Variants in PTPRQ observed in about 807,000 individuals in gnomAD.
PTPRQ encodes the protein phosphatidylinositol phosphatase PTPRQ.
A neutral mutation model predicts 246.0 loss-of-function variants in PTPRQ; 199 were observed. The ratio of observed to expected loss-of-function variants is 0.81; its 90% CI spans 0.72 to 0.91. The LOEUF (loss-of-function observed/expected upper bound fraction) is 0.91. Among genes scored for constraint, PTPRQ ranks in the 40% least tolerant of loss-of-function variants. The probability of loss-of-function intolerance (pLI) is 0.00; values close to 1 mark genes in which losing one functional copy is unlikely to be tolerated. For synonymous variants in PTPRQ, 869 were observed against 853.2 expected, an observed-to-expected ratio of 1.02 and a Z score of -0.32; for missense variants, 2,624 against 2,528.4, an observed-to-expected ratio of 1.04 and a Z score of -0.81.
Position 80,468,718 on chromosome 12 carries a change from G to T in PTPRQ, c.919G>T (p.Gly307Ter). The change falls in exon 7 of 45, where the codon GGA becomes TGA. Residue 307 changes from glycine to a stop codon, truncating the protein, a stop_gained. Coordinates refer to ENST00000644991, the MANE Select transcript of PTPRQ (RefSeq NM_001145026.2). LOFTEE classifies it high-confidence loss of function. ...IVRTPESVPE[G>*]PPQNCVTGNI... is the part of the protein sequence containing the mutation. Reference sequence around the variant, plus strand: ...TTCTATAATTATTTTAGTGCCTGAAGGACCACCACAAAACTGCGTAACAGG... The same window carrying T: ...TTCTATAATTATTTTAGTGCCTGAATGACCACCACAAAACTGCGTAACAGG... 6.5e-7 allele frequency: 1 copy of T among 1,538,146 alleles called. No homozygotes were observed. Among genetic ancestry groups the T allele is most frequent in the South Asian group, 1.3e-5 (1 of 79,634 alleles).
intron 25 of PTPRQ, among the ~76,000 whole-genome samples, chr12:80,583,133 C>G (rs939026731): frequency 1.3e-5 from 2 of 152,154 alleles, no homozygotes; most frequent in Non-Finnish European, 2.9e-5. Flanking sequence ...TCCTTCAGGT[C>G]TCTAATTAAA....
chr12:80,652,788 T>A lies in PTPRQ; in HGVS notation c.6069T>A (p.Asp2023Glu). The change falls in exon 38 of 45, where the codon GAT (aspartate) becomes GAA (glutamate). Residue 2023 changes from aspartate to glutamate, a missense_variant. Coordinates refer to ENST00000644991, the MANE Select transcript of PTPRQ (RefSeq NM_001145026.2). ...FLQDLSSTDA[D>E]LPWNRAKNRF... ...AGGATCTTTCTTCAACTGATGCTGA[T>A]CTGCCTTGGAATAGAGCAAAAAACC... 6.6e-7 allele frequency: 1 copy of A among 1,514,746 alleles called. No individual in the cohort carries two copies. The highest frequency in any genetic ancestry group is 8.8e-7 in the Non-Finnish European group (1 of 1,132,422). 93.8% of individuals were successfully genotyped at this position (1,514,746 alleles called of 1,614,324 possible). A position where few individuals can be genotyped will look rare whatever the true frequency, so the allele number is the denominator to read the frequency against.
In PTPRQ at chr12:80,679,097, G is replaced by A. The variant is rs921754114; in HGVS notation, c.*74G>A. The A allele has an allele frequency of 1.7e-5, 25 of 1,501,906 alleles. No individual in the cohort carries two copies. The highest frequency in any genetic ancestry group is 2.1e-5 in the Non-Finnish European group (24 of 1,122,782). 93.0% of individuals were successfully genotyped at this position (1,501,906 alleles called of 1,614,324 possible). Reference sequence around the variant, plus strand: ...GCCAAAGTTACCCCCTCATTCTTCCGAATTGAAATGTGCAACCTTAAAGAA... The same window carrying A: ...GCCAAAGTTACCCCCTCATTCTTCCAAATTGAAATGTGCAACCTTAAAGAA... On this transcript the variant is annotated 3_prime_UTR_variant, in exon 45 of 45. Coordinates refer to ENST00000644991, the MANE Select transcript of PTPRQ (RefSeq NM_001145026.2).
At chr12:80,598,836 T>C (rs867300366) in intron 26 of PTPRQ, among the ~76,000 whole-genome samples, 1 of 152,034 alleles carries the variant, frequency 6.6e-6, no homozygotes, top group African/African-American at 2.4e-5. Flanking sequence ...TATATTCATT[T>C]ATGTTTATTC....
intron 42 of PTPRQ, among the ~76,000 whole-genome samples, chr12:80,671,366 G>T (rs1445267421): frequency 1.3e-5 from 2 of 152,022 alleles, no homozygotes; most frequent in African/African-American, 2.4e-5. Context: ...TACAGTCAAT[G>T]ATTGATTTTA....
intron 25 of PTPRQ, among the ~76,000 whole-genome samples, chr12:80,559,076 G>A (rs1010879765): frequency 5.3e-5 from 8 of 152,136 alleles, no homozygotes; most frequent in South Asian, 2.1e-4. Flanking sequence ...ACGGAGTCTC[G>A]CTCTGTCGCC....
At chr12:80,633,720 C>T (rs185077968) in intron 34 of PTPRQ, among the ~76,000 whole-genome samples, 3 of 152,250 alleles carry the variant, frequency 2.0e-5, no homozygotes, top group African/African-American at 2.4e-5. Flanking sequence ...CAGATTTAGC[C>T]AGAAGACAGT....
intron 25 of PTPRQ, among the ~76,000 whole-genome samples, chr12:80,555,727 A>G (rs74984339): frequency 0.068 from 10,297 of 152,250 alleles, 418 homozygotes; most frequent in East Asian, 0.15. Context: ...CAGGTGTTTT[A>G]TACAGTATCT....
chr12:80,473,499 A>T (rs1461664976), intron 8 of PTPRQ, among the ~76,000 whole-genome samples: 1 of 152,196 alleles, frequency 6.6e-6, no homozygotes, highest in African/African-American at 2.4e-5. Flanking sequence ...AACTCAATGT[A>T]CCTATTGATT....
chr12:80,634,197 G>A (rs1200182151), intron 34 of PTPRQ, among the ~76,000 whole-genome samples: 1 of 152,034 alleles, frequency 6.6e-6, no homozygotes, highest in African/African-American at 2.4e-5. Context: ...GTCTTTGAGG[G>A]TAGGGAACAT....
chr12:80,602,576 A>C (rs10862172), intron 26 of PTPRQ, among the ~76,000 whole-genome samples: 3 of 151,730 alleles, frequency 2.0e-5, no homozygotes, highest in African/African-American at 7.3e-5. Flanking sequence ...AAAGCAGAAG[A>C]GCAAGCTATC....
intron 35 of PTPRQ, among the ~76,000 whole-genome samples, chr12:80,643,092 T>C (rs572302450): frequency 3.3e-5 from 5 of 152,162 alleles, no homozygotes; most frequent in African/African-American, 7.2e-5. Flanking sequence ...TGAGAAGATA[T>C]GTTGAGAAGG....
intron 25 of PTPRQ, among the ~76,000 whole-genome samples, chr12:80,575,839 C>CAAAAAAA (rs201432092): frequency 3.2e-4 from 15 of 46,274 alleles, no homozygotes; most frequent in Admixed American, 7.6e-4. Context: ...AACCCCATCT[C>CAAAAAAA]AAAAAAAAAA....
intron 9 of PTPRQ, among the ~76,000 whole-genome samples, chr12:80,491,525 C>T (rs866272335): frequency 1.2e-4 from 18 of 151,912 alleles, no homozygotes; most frequent in African/African-American, 3.6e-4. Context: ...AGTTCTTTAT[C>T]ACAACTTTTA....
In PTPRQ at chr12:80,539,918, T is replaced by G; in HGVS notation, c.3128T>G (p.Ile1043Ser). The change falls in exon 20 of 45, where the codon ATC becomes AGC. Residue 1043 changes from isoleucine (I) to serine (S), a missense_variant. Physicochemically the swap from Ile to Ser is moderately radical, Grantham distance 142 (BLOSUM62 -2). Coordinates refer to ENST00000644991, the MANE Select transcript of PTPRQ (RefSeq NM_001145026.2). ...SVGNGNKSSD[I>S]IEVYTDQDIP... ...GGAAATGGGAATAAAAGCAGTGACA[T>G]CATTGAAGTATACACAGATCAAGAC... The G allele has an allele frequency of 1.3e-5, 20 of 1,548,662 alleles. No homozygotes were observed. Among genetic ancestry groups the G allele is most frequent in the Non-Finnish European group, 1.7e-5 (20 of 1,145,446 alleles).
rs948270569 is a variant in PTPRQ at position 80,485,287 on chromosome 12, T to G, written c.1359+682T>G. Among the ~76,000 whole-genome samples the G allele has an allele frequency of 1.3e-5, 2 of 152,286 alleles. 1 individual carries two copies. The highest frequency in any genetic ancestry group is 2.9e-5 in the Non-Finnish European group (2 of 68,018). ...CACCTCACTTCATCAACTGTTCACC[T>G]GTGAGACTCTTTCAGCCTCCAGGCT... is the stretch of plus-strand genomic sequence containing the variant. On this transcript the variant is annotated intron_variant, in intron 9 of 44. Transcript: ENST00000644991.
rs530446362 is a variant in PTPRQ at position 80,468,696 on chromosome 12, T to A, written c.911-14T>A. ...AAATATATGTTATGTATTTATTTTC[T>A]ATAATTATTTTAGTGCCTGAAGGAC... On this transcript the variant is annotated splice_polypyrimidine_tract_variant and intron_variant, in intron 6 of 44. Coordinates refer to ENST00000644991, the MANE Select transcript of PTPRQ (RefSeq NM_001145026.2). 1.3e-6 allele frequency: 2 copies of A among 1,523,674 alleles called. No homozygotes were observed. Among genetic ancestry groups the A allele is most frequent in the South Asian group, 2.6e-5 (2 of 76,364 alleles). The allele number at this position is 1,523,674 out of a possible 1,614,324, so 94.4% of individuals were successfully genotyped here.
At chr12:80,558,168 C>CTTTTCTTTTCTTTTCTTTTCTTT (rs71094987) in intron 25 of PTPRQ, among the ~76,000 whole-genome samples, 1 of 35,226 alleles carries the variant, frequency 2.8e-5, no homozygotes, top group East Asian at 6.8e-4. Flanking sequence ...CTTTTCTTTT[C>CTTTTCTTTTCTTTTCTTTTCTTT]TTTCTTTTCT....
chr12:80,613,232 G>A (rs780750931), intron 28 of PTPRQ, among the ~76,000 whole-genome samples: 24 of 150,502 alleles, frequency 1.6e-4, no homozygotes, highest in Non-Finnish European at 3.4e-4. Context: ...AAGTTAAATG[G>A]TATGTCCTGT....
Sources: allele counts gnomAD v4.1 joint callset (sites outside exome capture counted in the v4.1 genomes callset), GRCh38; gene constraint gnomAD v4.1.1; transcripts MANE v1.5; gene names NCBI Gene and HGNC (gene_info 2026-07-23, HGNC 2026-07-21).